The following LMCD1 variants were observed in gnomAD, a reference collection of about 807,000 sequenced individuals.
LMCD1 encodes the protein LIM and cysteine-rich domains protein 1.
A neutral mutation model predicts 42.7 loss-of-function variants in LMCD1; 32 were observed. That is an observed-to-expected ratio of 0.75 (90% CI 0.57 to 1.01). The LOEUF (loss-of-function observed/expected upper bound fraction) is 1.01. LMCD1 is among the 50% of genes least tolerant of loss of function. LMCD1 has a pLI of 0.00. For missense variants in LMCD1, 458 were observed against 483.1 expected (o/e 0.95, Z 0.49); for synonymous variants, 178 against 184.9 (o/e 0.96, Z 0.30).
intron 3 of LMCD1, among the ~76,000 whole-genome samples, chr3:8,537,835 G>A (rs1156415572): frequency 3.9e-5 from 6 of 152,210 alleles, no homozygotes; most frequent in Admixed American, 2.0e-4. Context: ...TTGCAAACCT[G>A]TAGGAGAGCA....
At chr3:8,566,603 C>T (rs867899687) in intron 5 of LMCD1, among the ~76,000 whole-genome samples, 6 of 152,150 alleles carry the variant, frequency 3.9e-5, no homozygotes, top group African/African-American at 4.8e-5. Context: ...TAAGGGCTTA[C>T]GGTGGGTCAG....
Position 8,574,345 on chromosome 3 carries a change from C to G in LMCD1, c.*6747C>G, listed in dbSNP as rs1031016092. On this transcript the variant is annotated 3_prime_UTR_variant, in exon 6 of 6. Coordinates refer to ENST00000157600, the MANE Select transcript of LMCD1 (RefSeq NM_014583.4). The stretch of plus-strand genomic sequence containing the variant: ...TTAGAAAAGACAGCCACACCCAAAT[C>G]TCATGAAGCAGTCCCCTTTATTTTA... 1.3e-5 allele frequency: 2 copies of G among 152,304 alleles called. No homozygotes were observed. Among genetic ancestry groups the G allele is most frequent in the African/African-American group, 4.8e-5 (2 of 41,454 alleles). 9.4% of individuals were successfully genotyped at this position (152,304 alleles called of 1,614,324 possible).
Position 8,572,415 on chromosome 3 carries a change from A to T in LMCD1, c.*4817A>T, listed in dbSNP as rs1420587650. On this transcript the variant is annotated 3_prime_UTR_variant, in exon 6 of 6. Coordinates refer to ENST00000157600, the MANE Select transcript of LMCD1 (RefSeq NM_014583.4). ...CCTTTGTCCTTTGTATTTAATAAGT[A>T]TGTTTAGGGACTTTGAGACTATGTC... 6.6e-6 allele frequency: 1 copy of T among 152,172 alleles called. No individual in the cohort carries two copies. Among genetic ancestry groups the T allele is most frequent in the Non-Finnish European group, 1.5e-5 (1 of 68,030 alleles). The allele number at this position is 152,172 out of a possible 1,614,324, so 9.4% of individuals were successfully genotyped here.
At chr3:8,518,600 CA>C (rs2125014914) in intron 1 of LMCD1, among the ~76,000 whole-genome samples, 1 of 152,198 alleles carries the variant, frequency 6.6e-6, no homozygotes, top group Non-Finnish European at 1.5e-5. Flanking sequence ...GCTGGACAGG[CA>C]AGGATACCAT....
intron 1 of LMCD1, among the ~76,000 whole-genome samples, chr3:8,502,845 T>A (rs1429139081): frequency 1.3e-5 from 2 of 152,066 alleles, no homozygotes; most frequent in Non-Finnish European, 2.9e-5. Context: ...AGAGAACATG[T>A]GAACGGGAAG....
At chr3:8,546,047 C>A (rs1042914637) in intron 3 of LMCD1, among the ~76,000 whole-genome samples, 3 of 152,056 alleles carry the variant, frequency 2.0e-5, no homozygotes, top group Non-Finnish European at 2.9e-5. Flanking sequence ...GCAGGAGAAT[C>A]GCTTGAAGCT....
At position 8,565,462 on chromosome 3, in the gene LMCD1, C is replaced by G. The variant is rs757283271; in HGVS notation, c.754C>G (p.Pro252Ala). ...VCELCKGAAP[P>A]DSPVVYSDRA... Reference sequence around the variant, plus strand: ...CGAGCTCTGCAAGGGAGCGGCCCCTCCTGACAGCCCCGTGGTCTACTCGGA... The same window carrying G: ...CGAGCTCTGCAAGGGAGCGGCCCCTGCTGACAGCCCCGTGGTCTACTCGGA... Residue 252 changes from proline to alanine, a missense_variant, in exon 5 of 6, where the codon CCT becomes GCT. By Grantham distance (27) the Pro-to-Ala change is conservative. Coordinates refer to ENST00000157600, the MANE Select transcript of LMCD1 (RefSeq NM_014583.4). The G allele has an allele frequency of 3.4e-5, 55 of 1,614,082 alleles. No individual in the cohort carries two copies. Among genetic ancestry groups the G allele is most frequent in the Non-Finnish European group, 4.7e-5 (55 of 1,180,046 alleles).
chr3:8,539,961 A>AT (rs1209775764), intron 3 of LMCD1, among the ~76,000 whole-genome samples: 2 of 151,756 alleles, frequency 1.3e-5, no homozygotes, highest in Non-Finnish European at 2.9e-5. Context: ...TCCTAATGCT[A>AT]TCCCTCCCCC....
chr3:8,550,154 G>T, intron 4 of LMCD1: 1 of 1,340,910 alleles, frequency 7.5e-7, no homozygotes, highest in Non-Finnish European at 9.6e-7. Flanking sequence ...AAAGCCTCAT[G>T]GCTTGGTTTG....
At chr3:8,562,235 C>A (rs1164388458) in intron 4 of LMCD1, among the ~76,000 whole-genome samples, 1 of 152,182 alleles carries the variant, frequency 6.6e-6, no homozygotes, top group Non-Finnish European at 1.5e-5. Context: ...AAAGGAGCCC[C>A]AGATGGAAAG....
rs896682656 is a variant in LMCD1, at chr3:8,570,443, A to C, written c.*2845A>C. ...ATCATGGATGGGCATTATCTCCCAC[A>C]ACAGTCCCCATGGGGCACCACCCAG... is the stretch of plus-strand genomic sequence containing the variant. On this transcript the variant is annotated 3_prime_UTR_variant, in exon 6 of 6. Transcript: ENST00000157600. The C allele has an allele frequency of 3.9e-5, 6 of 152,500 alleles. No homozygotes were observed. The highest frequency in any genetic ancestry group is 8.8e-5 in the Non-Finnish European group (6 of 68,128). 9.4% of individuals were successfully genotyped at this position (152,500 alleles called of 1,614,324 possible).
rs537901936 is a variant in LMCD1, at chr3:8,543,112, G to A, written c.388-5456G>A. Among the ~76,000 whole-genome samples the A allele has an allele frequency of 5.9e-5, 9 of 152,248 alleles. No homozygotes were observed. In the South Asian group the frequency reaches 1.2e-3, roughly 21 times the overall value. ...GCCAAGCTCTTCTTTCCACTTCTCC[G>A]AAATCCTTCTTTAGATTCTGGAAGC... is the stretch of plus-strand genomic sequence containing the variant. On this transcript the variant is annotated intron_variant, in intron 3 of 5. Transcript: ENST00000157600.
rs1694784562 is a variant in LMCD1, at chr3:8,548,740, A to G, written c.560A>G (p.Lys187Arg). The change falls in exon 4 of 6, where the codon AAG (lysine) becomes AGG (arginine). Residue 187 changes from lysine (K) to arginine (R), a missense_variant. Transcript: ENST00000157600. ...TTGAAACTGATGGAAGAATTTGTCA[A>G]GCAATATAAGAGCGAGGCCCTCGGC... ...NELKLMEEFV[K>R]QYKSEALGVG... 1.2e-6 allele frequency: 2 copies of G among 1,614,078 alleles called. No individual in the cohort carries two copies. Among genetic ancestry groups the G allele is most frequent in the Non-Finnish European group, 1.7e-6 (2 of 1,180,042 alleles).
At chr3:8,563,178 C>G (rs1438539806) in intron 4 of LMCD1, among the ~76,000 whole-genome samples, 1 of 152,186 alleles carries the variant, frequency 6.6e-6, no homozygotes, top group Non-Finnish European at 1.5e-5. Context: ...CTGCTTCCAT[C>G]TAGTGTAGAA....
intron 2 of LMCD1, among the ~76,000 whole-genome samples, chr3:8,536,586 A>G (rs2125024696): frequency 6.6e-6 from 1 of 152,338 alleles, no homozygotes; most frequent in Non-Finnish European, 1.5e-5. Context: ...TATGCTAAAG[A>G]GTTTAAAAGT....
At position 8,571,521 on chromosome 3, in the gene LMCD1, T is replaced by C. The variant is rs1472008359; in HGVS notation, c.*3923T>C. The C allele has an allele frequency of 6.6e-6, 1 of 152,194 alleles. No individual in the cohort carries two copies. Among genetic ancestry groups the C allele is most frequent in the African/African-American group, 2.4e-5 (1 of 41,440 alleles). 9.4% of individuals were successfully genotyped at this position (152,194 alleles called of 1,614,324 possible). ...GGTGAGTTCCTGTCAGGGAGACTTG[T>C]CAGTCTGAGCAGAAAATGTTCAAAG... On this transcript the variant is annotated 3_prime_UTR_variant, in exon 6 of 6. Transcript: ENST00000157600.
intron 4 of LMCD1, among the ~76,000 whole-genome samples, chr3:8,559,268 A>G (rs922391939): frequency 6.6e-6 from 1 of 152,174 alleles, no homozygotes; most frequent in Non-Finnish European, 1.5e-5. Flanking sequence ...TGCCTTCAAC[A>G]TATCTTTGTC....
At chr3:8,521,484 A>G (rs1694204129) in intron 1 of LMCD1, among the ~76,000 whole-genome samples, 2 of 152,198 alleles carry the variant, frequency 1.3e-5, no homozygotes, top group Admixed American at 6.5e-5. Context: ...GCTGTCGCCC[A>G]TGCCAACTGG....
chr3:8,529,285 A>G lies in LMCD1; in HGVS notation c.43-3452A>G, dbSNP rs541811493. On this transcript the variant is annotated intron_variant, in intron 1 of 5. Transcript: ENST00000157600. ...TGACTATTTATTGCATTAAACAGTC[A>G]GCCAGGAAACTAGCTGCAAGTGTGG... Among the ~76,000 whole-genome samples the G allele has an allele frequency of 1.1e-4, 16 of 152,372 alleles. No homozygotes were observed. The East Asian group carries it at 3.1e-3, about 29-fold the overall frequency.
Sources: gnomAD v4.1 joint callset for allele counts (sites outside exome capture counted in the v4.1 genomes callset) on GRCh38, gnomAD v4.1.1 for gene constraint, MANE v1.5 for transcripts, NCBI Gene and HGNC (gene_info 2026-07-23, HGNC 2026-07-21) for gene names.